MSL2: variants seen among roughly 807,000 people sequenced by gnomAD.
The protein encoded by MSL2 is MSL complex subunit 2.
Under a neutral mutation model 35.8 loss-of-function variants are expected in MSL2, and 2 were observed. The ratio of observed to expected loss-of-function variants is 0.06; its 90% confidence interval spans 0.02 to 0.18. The LOEUF (loss-of-function observed/expected upper bound fraction) is 0.18, where lower values mean the gene tolerates loss of function less well. MSL2 is among the 10% of genes least tolerant of loss of function. The probability of loss-of-function intolerance (pLI) is 1.00; values close to 1 mark genes in which losing one functional copy is unlikely to be tolerated. For missense variants in MSL2, 523 were observed against 706.7 expected, an observed-to-expected ratio of 0.74 and a Z score of 2.95; for synonymous variants, 296 against 255.7, an observed-to-expected ratio of 1.16 and a Z score of -1.50.
intron 1 of MSL2, among the ~76,000 whole-genome samples, chr3:136,162,729 A>T (rs1360609680): frequency 1.3e-5 from 2 of 152,252 alleles, no homozygotes; most frequent in East Asian, 1.9e-4. Context: ...CCAAAATGTT[A>T]CATGAAATCT....
chr3:136,162,691 A>C lies in MSL2; in HGVS notation c.143-9953T>G, dbSNP rs559346984. ...TATAGATTTTACTTTCAAACCATGTAAATATTTTATATAATAGTGTAACAA... is the reference window on the plus strand; with the variant it reads ...TATAGATTTTACTTTCAAACCATGTCAATATTTTATATAATAGTGTAACAA... On this transcript the variant is annotated intron_variant, in intron 1 of 1. Transcript: ENST00000309993. 2.0e-5 allele frequency among the ~76,000 whole-genome samples: 3 copies of C among 152,368 alleles called. No homozygotes were observed. In the South Asian group the frequency reaches 6.2e-4, roughly 32 times the overall value.
At chr3:136,180,365 T>C (rs1224460573) in intron 1 of MSL2, among the ~76,000 whole-genome samples, 1 of 152,102 alleles carries the variant, frequency 6.6e-6, no homozygotes, top group African/African-American at 2.4e-5. Context: ...GCACTGTATT[T>C]TCTCTTTTTA....
chr3:136,189,586 A>G (rs1940625581), intron 1 of MSL2, among the ~76,000 whole-genome samples: 2 of 150,862 alleles, frequency 1.3e-5, no homozygotes, highest in Non-Finnish European at 1.5e-5. Context: ...TAGCCGGGCG[A>G]GGTGGCGGGT....
At chr3:136,167,255 A>G (rs749734113) in intron 1 of MSL2, among the ~76,000 whole-genome samples, 2 of 152,302 alleles carry the variant, frequency 1.3e-5, no homozygotes, top group African/African-American at 2.4e-5. Context: ...TCCTCATTTT[A>G]AAGTTCACAT....
chr3:136,186,059 G>T (rs1412277137), intron 1 of MSL2, among the ~76,000 whole-genome samples: 2 of 152,088 alleles, frequency 1.3e-5, no homozygotes, highest in Non-Finnish European at 2.9e-5. Context: ...AATCCCTGAA[G>T]AATTCTTTAA....
chr3:136,165,425 T>C (rs1480250531), intron 1 of MSL2, among the ~76,000 whole-genome samples: 1 of 152,208 alleles, frequency 6.6e-6, no homozygotes, highest in Non-Finnish European at 1.5e-5. Context: ...ACTCTCCCTC[T>C]TCTTAACTGC....
chr3:136,170,506 TCC>T (rs1011924864), intron 1 of MSL2, among the ~76,000 whole-genome samples: 1 of 144,348 alleles, frequency 6.9e-6, no homozygotes, highest in Non-Finnish European at 1.5e-5. Flanking sequence ...AAAAACTCTG[TCC>T]TTTTTTTTTT....
At chr3:136,169,443 T>C (rs1255418535) in intron 1 of MSL2, among the ~76,000 whole-genome samples, 4 of 151,790 alleles carry the variant, frequency 2.6e-5, no homozygotes, top group African/African-American at 9.7e-5. Context: ...TTTTGGTGGG[T>C]TGTTTGTTTT....
At chr3:136,179,016 C>A (rs560784331) in intron 1 of MSL2, among the ~76,000 whole-genome samples, 1 of 124,710 alleles carries the variant, frequency 8.0e-6, no homozygotes. Context: ...GAGACAAGGT[C>A]TCACTCTGTC....
chr3:136,194,847 T>C (rs1940790917), intron 1 of MSL2, 125 bp downstream of exon 1: 2 of 1,441,952 alleles, frequency 1.4e-6, no homozygotes, highest in Non-Finnish European at 1.9e-6. Flanking sequence ...CTAATGACCG[T>C]ACAGCGCTGC....
Position 136,195,515 on chromosome 3 carries a change from G to A in MSL2, c.-402C>T. On this transcript the variant is annotated 5_prime_UTR_variant, in exon 1 of 2. Transcript: ENST00000309993. ...GCGCCTCCTCAAGTCGAGCTGGCAG[G>A]CGCGGGAGCAGGCCCCGGCCCCGTC... The A allele has an allele frequency of 2.0e-6, 2 of 1,012,402 alleles. No individual in the cohort carries two copies. Among genetic ancestry groups the A allele is most frequent in the Non-Finnish European group, 2.4e-6 (2 of 847,394 alleles). 62.7% of individuals were successfully genotyped at this position (1,012,402 alleles called of 1,614,324 possible). A position where few individuals can be genotyped will look rare whatever the true frequency, so the allele number is the denominator to read the frequency against.
intron 1 of MSL2, among the ~76,000 whole-genome samples, chr3:136,194,118 A>C (rs1018536840): frequency 6.6e-6 from 1 of 152,254 alleles, no homozygotes; most frequent in African/African-American, 2.4e-5. Flanking sequence ...TGGAGCATGC[A>C]TATTACTGCT....
chr3:136,166,044 T>C (rs1359349311), intron 1 of MSL2, among the ~76,000 whole-genome samples: 3 of 108,226 alleles, frequency 2.8e-5, no homozygotes, highest in Non-Finnish European at 5.8e-5. Flanking sequence ...AAATAAAATA[T>C]TTAAATGTAC....
At position 136,156,603 on chromosome 3, in the gene MSL2, C is replaced by T. The variant is rs562044146; in HGVS notation, c.143-3865G>A. Among the ~76,000 whole-genome samples the T allele has an allele frequency of 1.2e-4, 19 of 152,296 alleles. No homozygotes were observed. The South Asian group carries it at 3.9e-3, about 32-fold the overall frequency. ...GTTTCTGGCCGGGCACAGTGGCTCA[C>T]GCCTGTAATCCAGCACCTTGGGAGG... On this transcript the variant is annotated intron_variant, in intron 1 of 1. Coordinates refer to ENST00000309993, the MANE Select transcript of MSL2 (RefSeq NM_018133.4).
chr3:136,160,632 C>A (rs1002803124), intron 1 of MSL2, among the ~76,000 whole-genome samples: 1 of 151,430 alleles, frequency 6.6e-6, no homozygotes, highest in Admixed American at 6.6e-5. Context: ...ATCGCTTGAA[C>A]TCAGGAGGCG....
chr3:136,187,138 T>G (rs938968452), intron 1 of MSL2, among the ~76,000 whole-genome samples: 2 of 152,210 alleles, frequency 1.3e-5, no homozygotes, highest in African/African-American at 4.8e-5. Flanking sequence ...GTGAAAGCAC[T>G]GTGCTAAACA....
chr3:136,175,040 G>A (rs1940133325), intron 1 of MSL2, among the ~76,000 whole-genome samples: 1 of 152,162 alleles, frequency 6.6e-6, no homozygotes, highest in African/African-American at 2.4e-5. Context: ...TGGTATGAGA[G>A]TAACTATGCT....
intron 1 of MSL2, 92 bp downstream of exon 1, chr3:136,194,880 C>CA: frequency 1.9e-6 from 3 of 1,564,440 alleles, no homozygotes; most frequent in Non-Finnish European, 2.6e-6. Flanking sequence ...AGCTTAATAC[C>CA]AACCACCAGG....
intron 1 of MSL2, among the ~76,000 whole-genome samples, chr3:136,192,341 G>C (rs972214856): frequency 3.9e-5 from 6 of 151,938 alleles, no homozygotes; most frequent in Non-Finnish European, 2.9e-5. Context: ...ACCACACCCA[G>C]CTAATTTGTG....
Sources: gnomAD v4.1 joint callset for allele counts (sites outside exome capture counted in the v4.1 genomes callset) on GRCh38, gnomAD v4.1.1 for gene constraint, MANE v1.5 for transcripts, NCBI Gene and HGNC (gene_info 2026-07-23, HGNC 2026-07-21) for gene names.